PRKCE: variants seen among roughly 807,000 people sequenced by gnomAD.
PRKCE encodes the protein protein kinase C epsilon, also known as protein kinase C epsilon type.
In PRKCE, 16 loss-of-function variants were observed where a neutral mutation model predicts 85.4. The observed-to-expected ratio is 0.19, with a 90% CI of 0.13 to 0.28. The LOEUF (loss-of-function observed/expected upper bound fraction) is 0.28, where lower values mean the gene tolerates loss of function less well. PRKCE is among the 10% of genes least tolerant of loss of function. The pLI is 1.00. For missense variants in PRKCE, 573 were observed against 975.2 expected (o/e 0.59, Z 5.49); for synonymous variants, 388 against 371.5 (o/e 1.04, Z -0.51).
At chr2:45,943,766 T>G (rs1270985808) in intron 2 of PRKCE, among the ~76,000 whole-genome samples, 1 of 152,200 alleles carries the variant, frequency 6.6e-6, no homozygotes, top group Non-Finnish European at 1.5e-5. Flanking sequence ...GGGTCCCCTT[T>G]GTCAGGAGAG....
At chr2:45,804,818 G>A (rs1300833176) in intron 1 of PRKCE, among the ~76,000 whole-genome samples, 1 of 152,142 alleles carries the variant, frequency 6.6e-6, no homozygotes, top group Non-Finnish European at 1.5e-5. Context: ...AGAGATTAAG[G>A]CAAATTAGTA....
At position 45,905,400 on chromosome 2, in the gene PRKCE, A is replaced by G. The variant is rs771183705; in HGVS notation, c.412+62337A>G. Among the ~76,000 whole-genome samples, 7 of 152,250 alleles carry G rather than the reference A, an allele frequency of 4.6e-5. No individual in the cohort carries two copies. Among genetic ancestry groups the G allele is most frequent in the Non-Finnish European group, 7.3e-5 (5 of 68,042 alleles). On this transcript the variant is annotated intron_variant, in intron 2 of 14. Coordinates refer to ENST00000306156, the MANE Select transcript of PRKCE (RefSeq NM_005400.3). The surrounding 1 kb of genome is among the most constrained non-coding windows in gnomAD (Gnocchi z 4.4). ...AAACATTATACATATTGATGAGCTGATTGCTAGGAGACTAGTGCTGAGAGA... is the reference window on the plus strand; with the variant it reads ...AAACATTATACATATTGATGAGCTGGTTGCTAGGAGACTAGTGCTGAGAGA...
intron 2 of PRKCE, among the ~76,000 whole-genome samples, chr2:45,910,819 G>A (rs1025022092): frequency 6.6e-6 from 1 of 152,162 alleles, no homozygotes; most frequent in Admixed American, 6.5e-5. Flanking sequence ...CTGGCAGGGG[G>A]CGGTGAGCAG....
chr2:45,732,151 T>C (rs1681634595), intron 1 of PRKCE, among the ~76,000 whole-genome samples: 1 of 152,132 alleles, frequency 6.6e-6, no homozygotes, highest in Non-Finnish European at 1.5e-5. Flanking sequence ...GAGAGCTTTT[T>C]TTTGGAACAG....
intron 1 of PRKCE, among the ~76,000 whole-genome samples, chr2:45,656,036 T>C (rs773952755): frequency 6.6e-6 from 1 of 152,066 alleles, no homozygotes; most frequent in African/African-American, 2.4e-5. Context: ...GGTTGGAGAA[T>C]GGATGAGCAG....
intron 2 of PRKCE, among the ~76,000 whole-genome samples, chr2:45,900,469 T>C (rs1290221281): frequency 1.3e-5 from 2 of 152,258 alleles, no homozygotes; most frequent in Non-Finnish European, 2.9e-5. Context: ...TGCTACGCCA[T>C]GGACAAACTT....
chr2:45,764,946 C>T (rs981361151), intron 1 of PRKCE, among the ~76,000 whole-genome samples: 1 of 152,172 alleles, frequency 6.6e-6, no homozygotes, highest in Non-Finnish European at 1.5e-5. Flanking sequence ...TGGCATCTCT[C>T]AGGTCTCTCC....
intron 2 of PRKCE, among the ~76,000 whole-genome samples, chr2:45,873,545 T>C (rs10207215): frequency 0.024 from 3,683 of 152,248 alleles, 132 homozygotes; most frequent in African/African-American, 0.083. Flanking sequence ...CCTTCTGAGA[T>C]GAACCTTCAG....
intron 1 of PRKCE, among the ~76,000 whole-genome samples, chr2:45,706,939 A>G (rs1395598425): frequency 6.6e-6 from 1 of 152,224 alleles, no homozygotes; most frequent in African/African-American, 2.4e-5. Context: ...CAGAATAAGC[A>G]ATGACAGACA....
chr2:45,698,722 A>G (rs749517132), intron 1 of PRKCE, among the ~76,000 whole-genome samples: 6 of 152,160 alleles, frequency 3.9e-5, no homozygotes, highest in Non-Finnish European at 1.5e-5. Context: ...AATGCCATGT[A>G]TCCTAGGAAG....
intron 10 of PRKCE, among the ~76,000 whole-genome samples, chr2:46,028,840 A>C (rs574025365): frequency 6.6e-6 from 1 of 152,190 alleles, no homozygotes; most frequent in East Asian, 1.9e-4. Flanking sequence ...GCCCCAGTGC[A>C]TGTTGTTCCC....
chr2:45,862,238 A>G (rs530195361), intron 2 of PRKCE, among the ~76,000 whole-genome samples: 48 of 150,764 alleles, frequency 3.2e-4, no homozygotes, highest in African/African-American at 1.1e-3. Flanking sequence ...AGTATTTCAA[A>G]TCTGTTACTC....
intron 2 of PRKCE, among the ~76,000 whole-genome samples, chr2:45,948,366 G>C (rs1421723815): frequency 1.3e-5 from 2 of 152,210 alleles, no homozygotes; most frequent in African/African-American, 4.8e-5. Context: ...CGGGCTGCGT[G>C]CAGTGGCTCA....
At chr2:46,160,970 A>C (rs189431106) in intron 14 of PRKCE, among the ~76,000 whole-genome samples, 3 of 152,332 alleles carry the variant, frequency 2.0e-5, no homozygotes, top group African/African-American at 4.8e-5. Context: ...ACCACTCCTC[A>C]TTCGCTTCCT....
chr2:46,121,168 A>G lies in PRKCE; in HGVS notation c.1593-23925A>G, dbSNP rs554948398. Among the ~76,000 whole-genome samples the G allele has an allele frequency of 8.5e-3, 1,294 of 152,340 alleles. 12 individuals carry two copies. Among genetic ancestry groups the G allele is most frequent in the African/African-American group, 0.029 (1,207 of 41,570 alleles). Reference sequence around the variant, plus strand: ...TTTACCATCACAGCTCCATCTAACCAGAGTATCTTCACCCACCCTTTCAGC... The same window carrying G: ...TTTACCATCACAGCTCCATCTAACCGGAGTATCTTCACCCACCCTTTCAGC... On this transcript the variant is annotated intron_variant, in intron 11 of 14. Coordinates refer to ENST00000306156, the MANE Select transcript of PRKCE (RefSeq NM_005400.3).
chr2:45,797,479 G>A (rs991243293), intron 1 of PRKCE, among the ~76,000 whole-genome samples: 7 of 152,188 alleles, frequency 4.6e-5, no homozygotes, highest in Non-Finnish European at 4.4e-5. Context: ...TTACAGTGCT[G>A]GGGAGCCACA....
intron 1 of PRKCE, among the ~76,000 whole-genome samples, chr2:45,736,852 C>T (rs1286595017): frequency 6.6e-6 from 1 of 152,154 alleles, no homozygotes; most frequent in Non-Finnish European, 1.5e-5. Flanking sequence ...TCAGAGGCTT[C>T]AGAAGTCTGA....
chr2:45,933,312 C>A (rs1699175486), intron 2 of PRKCE, among the ~76,000 whole-genome samples: 1 of 152,026 alleles, frequency 6.6e-6, no homozygotes, highest in African/African-American at 2.4e-5. Context: ...AACAGAAGTC[C>A]CTGAGGAATG....
At chr2:46,154,352 C>G (rs1676977143) in intron 13 of PRKCE, among the ~76,000 whole-genome samples, 1 of 152,120 alleles carries the variant, frequency 6.6e-6, no homozygotes, top group South Asian at 2.1e-4. Flanking sequence ...AATGTGTGTT[C>G]TGGGCTGGGC....
Sources: gnomAD v4.1 joint callset for allele counts (sites outside exome capture counted in the v4.1 genomes callset) on GRCh38, gnomAD v4.1.1 for gene constraint, Gnocchi (gnomAD v3.1) non-coding constraint, MANE v1.5 for transcripts, NCBI Gene and HGNC (gene_info 2026-07-23, HGNC 2026-07-21) for gene names.